Variants in CPQ observed in about 807,000 individuals in gnomAD.
The protein encoded by CPQ is carboxypeptidase Q.
In CPQ, 37 loss-of-function variants were observed where a neutral mutation model predicts 45.7. The observed-to-expected ratio is 0.81, with a 90% confidence interval of 0.62 to 1.07. The LOEUF is 1.07. CPQ is among the 50% of genes least tolerant of loss of function. CPQ has a pLI of 0.00. For synonymous variants in CPQ, 186 were observed against 205.8 expected (o/e 0.90, Z 0.82); for missense variants, 537 against 572.9 (o/e 0.94, Z 0.64).
chr8:96,852,407 C>T (rs940928366), intron 3 of CPQ, among the ~76,000 whole-genome samples: 2 of 152,144 alleles, frequency 1.3e-5, no homozygotes, highest in African/African-American at 2.4e-5. Context: ...TGTGTTCAAT[C>T]GTATTTCTCT....
intron 4 of CPQ, among the ~76,000 whole-genome samples, chr8:96,964,886 T>G (rs561386423): frequency 6.6e-6 from 1 of 152,298 alleles, no homozygotes; most frequent in East Asian, 1.9e-4. Flanking sequence ...AAGATACATT[T>G]TTTTTCAAAC....
chr8:97,087,406 G>GC (rs869309286), intron 7 of CPQ, among the ~76,000 whole-genome samples: 4 of 120,064 alleles, frequency 3.3e-5, no homozygotes, highest in African/African-American at 1.8e-4. Flanking sequence ...GTGCCGACTT[G>GC]GGGGGTCAAG....
chr8:97,142,147 A>G (rs1812178704), intron 7 of CPQ, among the ~76,000 whole-genome samples: 1 of 152,184 alleles, frequency 6.6e-6, no homozygotes, highest in Admixed American at 6.5e-5. Flanking sequence ...ACCCTTTATA[A>G]TATACATTTA....
chr8:97,075,400 T>C (rs1326173990), intron 7 of CPQ, among the ~76,000 whole-genome samples: 1 of 152,200 alleles, frequency 6.6e-6, no homozygotes, highest in Non-Finnish European at 1.5e-5. Context: ...CTAATTTATT[T>C]CTTATGTTAC....
intron 4 of CPQ, among the ~76,000 whole-genome samples, chr8:96,917,500 C>G (rs1586450775): frequency 1.3e-5 from 2 of 152,010 alleles, no homozygotes; most frequent in Non-Finnish European, 2.9e-5. Flanking sequence ...ACAAAATGCT[C>G]TTGGCTTATC....
chr8:96,985,144 G>A (rs1813991641), intron 5 of CPQ, among the ~76,000 whole-genome samples: 1 of 151,944 alleles, frequency 6.6e-6, no homozygotes. Context: ...AGTTGTTCTT[G>A]AGGAATCTAG....
chr8:96,926,570 C>CTTCTTCT (rs1563530774), intron 4 of CPQ, among the ~76,000 whole-genome samples: 18 of 46,676 alleles, frequency 3.9e-4, no homozygotes, highest in African/African-American at 2.1e-3. Context: ...CTTCCTCTTC[C>CTTCTTCT]TCTTCCTCTT....
At chr8:96,992,314 G>A (rs1003706879) in intron 5 of CPQ, among the ~76,000 whole-genome samples, 5 of 152,152 alleles carry the variant, frequency 3.3e-5, no homozygotes, top group Non-Finnish European at 7.3e-5. Flanking sequence ...CCCTCTTACA[G>A]GTTGGCTCTT....
Position 96,806,016 on chromosome 8 carries a change from G to A in CPQ, c.433+20686G>A, listed in dbSNP as rs567876340. 3.3e-5 allele frequency among the ~76,000 whole-genome samples: 5 copies of A among 152,224 alleles called. No homozygotes were observed. In the East Asian group the frequency reaches 9.7e-4, roughly 29 times the overall value. ...GGATTTCATAAGAGTGGCCATTAGA[G>A]CCCTTTTAAGCAGAATACTGAAGTC... On this transcript the variant is annotated intron_variant, in intron 2 of 7. Coordinates refer to ENST00000220763, the MANE Select transcript of CPQ (RefSeq NM_016134.4).
At chr8:96,788,669 C>T (rs1210458940) in intron 2 of CPQ, among the ~76,000 whole-genome samples, 2 of 150,454 alleles carry the variant, frequency 1.3e-5, no homozygotes, top group Admixed American at 1.3e-4. Context: ...TGAAGTTTTT[C>T]ATCAAATTTG....
chr8:96,701,429 G>A (rs1809458452), intron 1 of CPQ, among the ~76,000 whole-genome samples: 1 of 152,196 alleles, frequency 6.6e-6, no homozygotes, highest in Non-Finnish European at 1.5e-5. Flanking sequence ...GTAATTTGAA[G>A]TAGTTAGATG....
At chr8:96,717,075 A>ATATG (rs1809690780) in intron 1 of CPQ, among the ~76,000 whole-genome samples, 1 of 92,200 alleles carries the variant, frequency 1.1e-5, no homozygotes, top group African/African-American at 4.9e-5. Flanking sequence ...ATATATATAT[A>ATATG]TACGTATATA....
At chr8:96,858,980 C>T (rs1016047465) in intron 3 of CPQ, among the ~76,000 whole-genome samples, 2 of 152,144 alleles carry the variant, frequency 1.3e-5, no homozygotes, top group African/African-American at 4.8e-5. Flanking sequence ...AGCACTACTT[C>T]ATTGTTTTTA....
chr8:96,928,731 G>A (rs957422275), intron 4 of CPQ, among the ~76,000 whole-genome samples: 4 of 152,138 alleles, frequency 2.6e-5, no homozygotes, highest in African/African-American at 9.7e-5. Flanking sequence ...GAAAAGCAAA[G>A]GCTTCCTCTT....
At chr8:96,893,798 A>G (rs1197982005) in intron 4 of CPQ, among the ~76,000 whole-genome samples, 1 of 152,224 alleles carries the variant, frequency 6.6e-6, no homozygotes, top group African/African-American at 2.4e-5. Context: ...GCCTTTAAAT[A>G]ATAATAATTA....
chr8:96,976,402 A>C (rs1813786730), intron 5 of CPQ, among the ~76,000 whole-genome samples: 1 of 152,134 alleles, frequency 6.6e-6, no homozygotes, highest in Admixed American at 6.6e-5. Flanking sequence ...GGTAGCATCA[A>C]TATTATGAAA....
intron 7 of CPQ, among the ~76,000 whole-genome samples, chr8:97,067,197 G>T (rs1810653918): frequency 6.6e-6 from 1 of 152,088 alleles, no homozygotes; most frequent in African/African-American, 2.4e-5. Flanking sequence ...AAAATGCTGG[G>T]ATTATAGGCA....
intron 7 of CPQ, among the ~76,000 whole-genome samples, chr8:97,121,484 G>A (rs1028415280): frequency 9.9e-5 from 15 of 152,050 alleles, no homozygotes; most frequent in African/African-American, 3.6e-4. Flanking sequence ...ACTCACTCTG[G>A]TAAAACTTAA....
intron 3 of CPQ, among the ~76,000 whole-genome samples, chr8:96,857,467 A>T (rs755433828): frequency 6.6e-6 from 1 of 152,216 alleles, no homozygotes; most frequent in Non-Finnish European, 1.5e-5. Context: ...TTATCCTCAG[A>T]TAAGGATAAA....
Sources: allele counts gnomAD v4.1 joint callset (sites outside exome capture counted in the v4.1 genomes callset), GRCh38; gene constraint gnomAD v4.1.1; transcripts MANE v1.5; gene names NCBI Gene and HGNC (gene_info 2026-07-23, HGNC 2026-07-21).